The following PYROXD1 variants were observed in gnomAD, a reference collection of about 807,000 sequenced individuals.
PYROXD1 encodes pyridine nucleotide-disulphide oxidoreductase domain 1.
In PYROXD1, 42 loss-of-function variants were observed where a neutral mutation model predicts 62.0. The ratio of observed to expected loss-of-function variants is 0.68; its 90% CI spans 0.53 to 0.88. PYROXD1 has a LOEUF of 0.88. Among genes scored for constraint, PYROXD1 ranks in the 40% least tolerant of loss-of-function variants. The pLI is 0.00. For synonymous variants in PYROXD1, 170 were observed against 206.4 expected (o/e 0.82, Z 1.51); for missense variants, 493 against 604.8 (o/e 0.82, Z 1.94).
chr12:21,463,552 CATG>C (rs1434592171), intron 10 of PYROXD1, among the ~76,000 whole-genome samples: 1 of 151,944 alleles, frequency 6.6e-6, no homozygotes, highest in African/African-American at 2.4e-5. Context: ...ATTAGCTGAG[CATG>C]ATGGTGTGCG....
intron 4 of PYROXD1, 144 bp downstream of exon 4, chr12:21,449,835 T>TGG: frequency 6.7e-6 from 4 of 598,580 alleles, no homozygotes; most frequent in Non-Finnish European, 1.1e-5. Context: ...AGTGGTTATG[T>TGG]TTTATTCCTG....
chr12:21,465,490 A>G (rs1214691559), intron 10 of PYROXD1, among the ~76,000 whole-genome samples: 1 of 150,192 alleles, frequency 6.7e-6, no homozygotes, highest in Non-Finnish European at 1.5e-5. Flanking sequence ...GTCTGTTCAT[A>G]TCCTTCGCCG....
Position 21,468,848 on chromosome 12 carries a change from A to C in PYROXD1, c.*94A>C. ...GAATGACTGTATTGAGTTAATGATG[A>C]CCACACTGAAAATTACAGAAGTGAT... On this transcript the variant is annotated 3_prime_UTR_variant, in exon 12 of 12. Coordinates refer to ENST00000240651, the MANE Select transcript of PYROXD1 (RefSeq NM_024854.5). 1 of 1,097,406 alleles carries C rather than the reference A, an allele frequency of 9.1e-7. No homozygotes were observed. Among genetic ancestry groups the C allele is most frequent in the East Asian group, 2.6e-5 (1 of 39,004 alleles). 68.0% of individuals were successfully genotyped at this position (1,097,406 alleles called of 1,614,324 possible). A position where few individuals can be genotyped will look rare whatever the true frequency, so the allele number is the denominator to read the frequency against.
chr12:21,452,997 C>T (rs924363891), intron 5 of PYROXD1, among the ~76,000 whole-genome samples: 2 of 151,966 alleles, frequency 1.3e-5, no homozygotes, highest in African/African-American at 2.4e-5. Flanking sequence ...CTATGGGTAA[C>T]AGTCATTATT....
At chr12:21,449,223 A>G (rs1942446221) in intron 3 of PYROXD1, among the ~76,000 whole-genome samples, 2 of 152,170 alleles carry the variant, frequency 1.3e-5, no homozygotes, top group Admixed American at 6.5e-5. Context: ...TTTTGTTTTT[A>G]ACGTGGGGTC....
chr12:21,468,017 G>GT (rs34425665), intron 11 of PYROXD1, among the ~76,000 whole-genome samples: 72,352 of 145,012 alleles, frequency 0.5, 17,717 homozygotes, highest in Middle Eastern at 0.58. Context: ...GTTGTTTTGG[G>GT]TTTTTTTTTT....
At chr12:21,456,881 C>G (rs1942607465) in intron 7 of PYROXD1, 1 of 455,274 alleles carries the variant, frequency 2.2e-6, no homozygotes, top group Non-Finnish European at 4.4e-6. Context: ...TCACAGCATC[C>G]TCACCAGAAG....
chr12:21,451,806 C>A lies in PYROXD1; in HGVS notation c.415-275C>A, dbSNP rs10770812. Among the ~76,000 whole-genome samples the A allele has an allele frequency of 4.6e-5, 7 of 151,782 alleles. No individual in the cohort carries two copies. In the South Asian group the frequency reaches 1.5e-3, roughly 32 times the overall value. ...GTGGTAAGTTAATAGTGCCTCCTGC[C>A]GAAATTCTGAAGTACTGTAAATGTA... On this transcript the variant is annotated intron_variant, in intron 4 of 11. Coordinates refer to ENST00000240651, the MANE Select transcript of PYROXD1 (RefSeq NM_024854.5).
In PYROXD1 at chr12:21,469,635, A is replaced by T. The variant is rs1942881407; in HGVS notation, c.*881A>T. 6.6e-6 allele frequency: 1 copy of T among 151,020 alleles called. No homozygotes were observed. The highest frequency in any genetic ancestry group is 1.5e-5 in the Non-Finnish European group (1 of 67,850). The allele number at this position is 151,020 out of a possible 1,614,324, so 9.4% of individuals were successfully genotyped here. A position where few individuals can be genotyped will look rare whatever the true frequency, so the allele number is the denominator to read the frequency against. ...AGACAATTACATGAACTTATTCTCA[A>T]ATATTTTACATTTTTTGTAAACTTT... On this transcript the variant is annotated 3_prime_UTR_variant, in exon 12 of 12. Transcript: ENST00000240651.
At chr12:21,445,272 G>A (rs1444589476) in intron 2 of PYROXD1, 75 bp from the exon 3 acceptor site, 8 of 1,386,514 alleles carry the variant, frequency 5.8e-6, no homozygotes, top group African/African-American at 1.5e-5. Flanking sequence ...TAAAAGCAAA[G>A]TATTTTTATT....
At chr12:21,443,506 C>G (rs1305955889) in intron 2 of PYROXD1, among the ~76,000 whole-genome samples, 1 of 152,078 alleles carries the variant, frequency 6.6e-6, no homozygotes, top group African/African-American at 2.4e-5. Context: ...ATAGAAAAGT[C>G]ATCTCCAAAC....
At chr12:21,461,815 C>T (rs1460538709) in intron 8 of PYROXD1, among the ~76,000 whole-genome samples, 193 bp from the exon 9 acceptor site, 1 of 152,172 alleles carries the variant, frequency 6.6e-6, no homozygotes, top group Non-Finnish European at 1.5e-5. Flanking sequence ...TATACCCAAA[C>T]GAGATGATGC....
Position 21,462,726 on chromosome 12 carries a change from G to A in PYROXD1, c.994-14G>A, listed in dbSNP as rs1942721635. 6.2e-7 allele frequency: 1 copy of A among 1,612,944 alleles called. No homozygotes were observed. Among genetic ancestry groups the A allele is most frequent in the Non-Finnish European group, 8.5e-7 (1 of 1,179,604 alleles). On this transcript the variant is annotated splice_polypyrimidine_tract_variant and intron_variant, in intron 9 of 11. Coordinates refer to ENST00000240651, the MANE Select transcript of PYROXD1 (RefSeq NM_024854.5). ...TTTTCTTAACACTTAACGCTTATGAGGAATGTTGTTTAGTTTGATCTAGGA... is the reference window on the plus strand; with the variant it reads ...TTTTCTTAACACTTAACGCTTATGAAGAATGTTGTTTAGTTTGATCTAGGA...
intron 10 of PYROXD1, among the ~76,000 whole-genome samples, chr12:21,466,733 C>G (rs567767769): frequency 6.6e-6 from 1 of 152,240 alleles, no homozygotes; most frequent in East Asian, 1.9e-4. Context: ...GCATCCCTGT[C>G]TTATGCCAGT....
At chr12:21,460,425 A>AT (rs1007264719) in intron 7 of PYROXD1, among the ~76,000 whole-genome samples, 2 of 108,768 alleles carry the variant, frequency 1.8e-5, no homozygotes, top group Non-Finnish European at 4.0e-5. Flanking sequence ...TATTTATTTT[A>AT]TTTATTTATT....
At chr12:21,461,192 T>C (rs369825217) in intron 8 of PYROXD1, 38 bp downstream of exon 8, 2 of 1,263,748 alleles carry the variant, frequency 1.6e-6, no homozygotes, top group Non-Finnish European at 2.1e-6. Context: ...TATAACCACT[T>C]AATTAAAAGG....
intron 2 of PYROXD1, among the ~76,000 whole-genome samples, chr12:21,444,175 C>T (rs1942345664): frequency 6.6e-6 from 1 of 152,244 alleles, no homozygotes; most frequent in East Asian, 1.9e-4. Flanking sequence ...AGCTGCTTCA[C>T]CTGTAGTATT....
At chr12:21,444,598 G>C (rs949732894) in intron 2 of PYROXD1, among the ~76,000 whole-genome samples, 13 of 152,132 alleles carry the variant, frequency 8.5e-5, no homozygotes, top group Admixed American at 3.9e-4. Context: ...AAAGGTTTCA[G>C]ATCTATTCTA....
rs1301895249 is a variant in PYROXD1 at position 21,469,766 on chromosome 12, G to C, written c.*1012G>C. 6.5e-6 allele frequency: 1 copy of C among 154,466 alleles called. No homozygotes were observed. The highest frequency in any genetic ancestry group is 6.5e-5 in the Admixed American group (1 of 15,346). The allele number at this position is 154,466 out of a possible 1,614,324, so 9.6% of individuals were successfully genotyped here. A position where few individuals can be genotyped will look rare whatever the true frequency, so the allele number is the denominator to read the frequency against. On this transcript the variant is annotated 3_prime_UTR_variant, in exon 12 of 12. Transcript: ENST00000240651. Reference sequence around the variant, plus strand: ...CCAAGACAATTCTTCTTCCAATGTGGCTCAGGGAAGCCAAAAGATTGGACA... The same window carrying C: ...CCAAGACAATTCTTCTTCCAATGTGCCTCAGGGAAGCCAAAAGATTGGACA...
Sources: gnomAD v4.1 joint callset for allele counts (sites outside exome capture counted in the v4.1 genomes callset) on GRCh38, gnomAD v4.1.1 for gene constraint, MANE v1.5 for transcripts, NCBI Gene and HGNC (gene_info 2026-07-23, HGNC 2026-07-21) for gene names.